The following ELAPOR1 variants were observed in gnomAD, a reference collection of about 807,000 sequenced individuals.
ELAPOR1 encodes endosome/lysosome-associated apoptosis and autophagy regulator 1.
A neutral mutation model predicts 119.7 loss-of-function variants in ELAPOR1; 77 were observed. That is an observed-to-expected ratio of 0.64 (90% CI 0.54 to 0.78). The LOEUF (loss-of-function observed/expected upper bound fraction) is 0.78. ELAPOR1 is among the 30% of genes least tolerant of loss of function. The pLI, the probability that ELAPOR1 is intolerant of heterozygous loss-of-function variation, is 0.00. For synonymous variants in ELAPOR1, 481 were observed against 487.2 expected, an observed-to-expected ratio of 0.99 and a Z score of 0.17; for missense variants, 1,115 against 1,270.4, an observed-to-expected ratio of 0.88 and a Z score of 1.86.
At chr1:109,196,421 G>A (rs1653795015) in intron 15 of ELAPOR1, among the ~76,000 whole-genome samples, 1 of 152,218 alleles carries the variant, frequency 6.6e-6, no homozygotes, top group African/African-American at 2.4e-5. Flanking sequence ...AAATAAGACT[G>A]ATTAAAGCAG....
Position 109,206,604 on chromosome 1 carries a change from A to G in ELAPOR1, c.*3592A>G, listed in dbSNP as rs1301537650. On this transcript the variant is annotated 3_prime_UTR_variant, in exon 22 of 22. Transcript: ENST00000369939. ...GACTACATTAAAGATAAGACTGACT[A>G]TATTTATACAACAGAAACTTTGTAA... 1 of 152,240 alleles carries G rather than the reference A, an allele frequency of 6.6e-6. No individual in the cohort carries two copies. The highest frequency in any genetic ancestry group is 1.5e-5 in the Non-Finnish European group (1 of 68,048). 9.4% of individuals were successfully genotyped at this position (152,240 alleles called of 1,614,324 possible).
At chr1:109,163,483 C>A (rs1558042190) in intron 2 of ELAPOR1, among the ~76,000 whole-genome samples, 1 of 152,160 alleles carries the variant, frequency 6.6e-6, no homozygotes, top group Non-Finnish European at 1.5e-5. Context: ...GCCTCGACCT[C>A]CTGGGCTCAA....
chr1:109,133,666 A>G (rs1435694871), intron 1 of ELAPOR1, among the ~76,000 whole-genome samples: 1 of 152,192 alleles, frequency 6.6e-6, no homozygotes, highest in Non-Finnish European at 1.5e-5. Flanking sequence ...TTTTTAGGCC[A>G]GGGTAATTTT....
intron 1 of ELAPOR1, among the ~76,000 whole-genome samples, chr1:109,132,344 C>T (rs564069982): frequency 1.8e-3 from 277 of 152,204 alleles, no homozygotes; most frequent in Non-Finnish European, 2.1e-3. Context: ...GATGGGGTTT[C>T]ACCATGTTGG....
intron 14 of ELAPOR1, among the ~76,000 whole-genome samples, 192 bp downstream of exon 14, chr1:109,193,066 G>A (rs1027470812): frequency 6.6e-6 from 1 of 152,028 alleles, no homozygotes. Flanking sequence ...AATTTCCAGG[G>A]TCCAGGACTC....
chr1:109,147,872 C>A (rs185387933), intron 1 of ELAPOR1, among the ~76,000 whole-genome samples: 3 of 151,366 alleles, frequency 2.0e-5, no homozygotes, highest in African/African-American at 7.3e-5. Flanking sequence ...CTCTGTTGCC[C>A]AGGCTGGAGT....
chr1:109,138,756 G>A (rs1479732772), intron 1 of ELAPOR1, among the ~76,000 whole-genome samples: 1 of 147,810 alleles, frequency 6.8e-6, no homozygotes, highest in Non-Finnish European at 1.5e-5. Flanking sequence ...TCCTGCTAAA[G>A]GATCTTCTCC....
At position 109,200,818 on chromosome 1, in the gene ELAPOR1, T is replaced by C. The variant is rs755387783; in HGVS notation, c.2891T>C (p.Met964Thr). The C allele has an allele frequency of 5.0e-6, 8 of 1,614,074 alleles. No individual in the cohort carries two copies. The highest frequency in any genetic ancestry group is 5.1e-6 in the Non-Finnish European group (6 of 1,179,908). The change falls in exon 21 of 22, where the codon ATG becomes ACG. Residue 964 changes from methionine (M) to threonine (T), a missense_variant. Met to Thr is a moderately conservative substitution (Grantham distance 81). Coordinates refer to ENST00000369939, the MANE Select transcript of ELAPOR1 (RefSeq NM_020775.5). ...DLPAADSCAI[M>T]EGEDVEDDLI... The stretch of plus-strand genomic sequence containing the variant: ...CCAGCAGCTGACAGCTGCGCCATCA[T>C]GGAAGGCGAGGATGTAGAGGACGAC...
chr1:109,201,084 T>G (rs1654147131), intron 21 of ELAPOR1, among the ~76,000 whole-genome samples, 184 bp downstream of exon 21: 1 of 152,110 alleles, frequency 6.6e-6, no homozygotes, highest in Non-Finnish European at 1.5e-5. Context: ...CAATACTCTT[T>G]CCCCCGGGGC....
rs374502692 is a variant in ELAPOR1 at position 109,171,937 on chromosome 1, C to T, written c.539C>T (p.Ala180Val). ...GAATGCACAGCCACACTGATGTACG[C>T]CGTCAACCTGAAGCAATCTGGCACC... ...TDECTATLMY[A>V]VNLKQSGTVN... The change falls in exon 4 of 22, where the codon GCC becomes GTC. Residue 180 changes from alanine to valine, a missense_variant. Ala to Val is a moderately conservative substitution (Grantham distance 64, BLOSUM62 0). Transcript: ENST00000369939. 75 of 1,614,178 alleles carry T rather than the reference C, an allele frequency of 4.6e-5. 2 individuals are homozygous for T. In the South Asian group the frequency reaches 5.7e-4, roughly 12 times the overall value.
intron 1 of ELAPOR1, among the ~76,000 whole-genome samples, chr1:109,121,773 CTTTTTTTTT>C (rs10714498): frequency 7.4e-6 from 1 of 134,272 alleles, no homozygotes; most frequent in African/African-American, 2.9e-5. Flanking sequence ...CTGTGTATTA[CTTTTTTTTT>C]TTTTTTTTTG....
At chr1:109,202,086 C>G (rs1395882640) in intron 21 of ELAPOR1, among the ~76,000 whole-genome samples, 3 of 152,078 alleles carry the variant, frequency 2.0e-5, no homozygotes, top group Non-Finnish European at 4.4e-5. Context: ...GGCAACAGAG[C>G]GAGACCCTGT....
chr1:109,187,286 T>C (rs1183451668), intron 8 of ELAPOR1: 8 of 985,222 alleles, frequency 8.1e-6, no homozygotes, highest in Non-Finnish European at 9.6e-6. Context: ...AGGAGGCAGG[T>C]GAGGTTCAAG....
intron 1 of ELAPOR1, among the ~76,000 whole-genome samples, chr1:109,154,676 G>A (rs1383355415): frequency 2.0e-5 from 3 of 152,222 alleles, no homozygotes; most frequent in African/African-American, 4.8e-5. Context: ...GGAAGAAGAA[G>A]GCTGGTAGAA....
chr1:109,178,438 T>C (rs6689355), intron 7 of ELAPOR1, among the ~76,000 whole-genome samples: 1 of 151,928 alleles, frequency 6.6e-6, no homozygotes, highest in Admixed American at 6.6e-5. Context: ...GACTGGGAAA[T>C]TGCAGGGAGA....
At chr1:109,180,529 C>T (rs1652629247) in intron 7 of ELAPOR1, among the ~76,000 whole-genome samples, 1 of 151,450 alleles carries the variant, frequency 6.6e-6, no homozygotes, top group Non-Finnish European at 1.5e-5. Context: ...ATGGGAATGA[C>T]AATAATTATA....
intron 11 of ELAPOR1, among the ~76,000 whole-genome samples, chr1:109,190,959 T>C (rs1653394867): frequency 6.6e-6 from 1 of 152,194 alleles, no homozygotes; most frequent in Admixed American, 6.5e-5. Context: ...GGAATCGTAT[T>C]AACATGCAGA....
intron 1 of ELAPOR1, among the ~76,000 whole-genome samples, chr1:109,145,527 G>A (rs1027382224): frequency 6.6e-6 from 1 of 151,960 alleles, no homozygotes; most frequent in Non-Finnish European, 1.5e-5. Flanking sequence ...ATGGTGGTGC[G>A]CACTTGTGGT....
At chr1:109,183,690 C>T (rs1390535542) in intron 7 of ELAPOR1, among the ~76,000 whole-genome samples, 2 of 151,434 alleles carry the variant, frequency 1.3e-5, no homozygotes, top group Admixed American at 6.6e-5. Flanking sequence ...ATGATCATGG[C>T]TCTCTGCAGC....
Sources: allele counts gnomAD v4.1 joint callset (sites outside exome capture counted in the v4.1 genomes callset), GRCh38; gene constraint gnomAD v4.1.1; transcripts MANE v1.5; gene names NCBI Gene and HGNC (gene_info 2026-07-23, HGNC 2026-07-21).